ABCA13: variants seen among roughly 807,000 people sequenced by gnomAD.
ABCA13 encodes the protein ATP-binding cassette sub-family A member 13.
Under a neutral mutation model 478.7 loss-of-function variants are expected in ABCA13, and 476 were observed. That is an observed-to-expected ratio of 0.99 (90% CI 0.92 to 1.07). The LOEUF (loss-of-function observed/expected upper bound fraction) is 1.07. Ranked by LOEUF, ABCA13 falls within the 50% of genes least tolerant of loss-of-function variation. The pLI is 0.00. For missense variants in ABCA13, 6,060 were observed against 5,910.6 expected, an observed-to-expected ratio of 1.03 and a Z score of -0.83; for synonymous variants, 2,252 against 2,158.9, an observed-to-expected ratio of 1.04 and a Z score of -1.20.
At chr7:48,430,119 T>C (rs1212719540) in intron 42 of ABCA13, among the ~76,000 whole-genome samples, 1 of 152,192 alleles carries the variant, frequency 6.6e-6, no homozygotes, top group Non-Finnish European at 1.5e-5. Context: ...TATTAGCTCT[T>C]CTTTCAATGT....
At position 48,412,461 on chromosome 7, in the gene ABCA13, A is replaced by T; in HGVS notation, c.12337A>T (p.Thr4113Ser). The T allele has an allele frequency of 6.2e-7, 1 of 1,613,532 alleles. No homozygotes were observed. The highest frequency in any genetic ancestry group is 1.1e-5 in the South Asian group (1 of 91,050). ...CAAAGACAGCAGTGGAAGTGAGCTG[A>T]CCTACACCATTCCAAAGGACACAGA... is the stretch of plus-strand genomic sequence containing the variant. Reference protein sequence around the residue: ...FLKDSSGSELTYTIPKDTDKA... With the variant: ...FLKDSSGSELSYTIPKDTDKA... The change falls in exon 41 of 62, where the codon ACC becomes TCC. Residue 4113 changes from threonine to serine, a missense_variant. Physicochemically the swap from Thr to Ser is moderately conservative, Grantham distance 58 (BLOSUM62 1). Around this residue, in one of 3 missense-constraint regions of ABCA13, gnomAD observed 1,627 missense variants for 1,571.0 expected, o/e 1.04. Coordinates refer to ENST00000435803, the MANE Select transcript of ABCA13 (RefSeq NM_152701.5).
intron 59 of ABCA13, among the ~76,000 whole-genome samples, chr7:48,629,993 T>G (rs2131631649): frequency 6.6e-6 from 1 of 152,222 alleles, no homozygotes; most frequent in East Asian, 1.9e-4. Context: ...TTTTTAAAAT[T>G]ATTATTATCT....
chr7:48,223,976 A>AAAG (rs1554352781), intron 5 of ABCA13, among the ~76,000 whole-genome samples: 15 of 129,938 alleles, frequency 1.2e-4, no homozygotes, highest in African/African-American at 2.3e-4. Context: ...AAAAAAAAAA[A>AAAG]AGAGAGAGAG....
chr7:48,189,662 C>G (rs1308212361), intron 1 of ABCA13, among the ~76,000 whole-genome samples: 1 of 152,098 alleles, frequency 6.6e-6, no homozygotes, highest in African/African-American at 2.4e-5. Flanking sequence ...TAAGACTGGA[C>G]TGAAAAATAT....
chr7:48,339,257 A>C (rs1411476598), intron 29 of ABCA13, among the ~76,000 whole-genome samples: 2 of 152,254 alleles, frequency 1.3e-5, no homozygotes, highest in Non-Finnish European at 2.9e-5. Flanking sequence ...CCCTTTAAAA[A>C]AATTTCTGGT....
At chr7:48,319,001 A>G (rs751973096) in intron 27 of ABCA13, among the ~76,000 whole-genome samples, 7 of 152,168 alleles carry the variant, frequency 4.6e-5, no homozygotes, top group Non-Finnish European at 1.0e-4. Flanking sequence ...CTGAAGAAAT[A>G]AGTTAGATAT....
At chr7:48,639,391 T>G (rs1028995447) in intron 59 of ABCA13, among the ~76,000 whole-genome samples, 1 of 151,460 alleles carries the variant, frequency 6.6e-6, no homozygotes, top group Admixed American at 6.6e-5. Context: ...CCATGAGGAG[T>G]GGGGTGTGGT....
chr7:48,437,571 A>G (rs1316851924), intron 42 of ABCA13, among the ~76,000 whole-genome samples: 1 of 151,892 alleles, frequency 6.6e-6, no homozygotes, highest in Non-Finnish European at 1.5e-5. Context: ...AGATTATTTG[A>G]CAGTTGCTTT....
chr7:48,325,789 C>G (rs899102563), intron 27 of ABCA13, among the ~76,000 whole-genome samples: 3 of 152,194 alleles, frequency 2.0e-5, no homozygotes, highest in African/African-American at 7.2e-5. Context: ...GCCCCTAGAG[C>G]TGGGGCAGAG....
intron 31 of ABCA13, among the ~76,000 whole-genome samples, chr7:48,363,706 T>G (rs1454433833): frequency 6.6e-6 from 1 of 152,108 alleles, no homozygotes; most frequent in African/African-American, 2.4e-5. Context: ...ATTTGGCCTG[T>G]GTTTCTTCCA....
At chr7:48,461,761 C>T (rs547719292) in intron 43 of ABCA13, among the ~76,000 whole-genome samples, 42 of 152,222 alleles carry the variant, frequency 2.8e-4, no homozygotes, top group African/African-American at 8.7e-4. Context: ...TCCCTGATGA[C>T]GACATTCTCA....
intron 45 of ABCA13, among the ~76,000 whole-genome samples, chr7:48,477,787 G>A (rs1028216337): frequency 3.3e-5 from 5 of 151,222 alleles, no homozygotes; most frequent in African/African-American, 1.2e-4. Flanking sequence ...TATACTTAAT[G>A]CTAAATGACG....
At chr7:48,575,475 T>C (rs1486765848) in intron 55 of ABCA13, among the ~76,000 whole-genome samples, 1 of 152,172 alleles carries the variant, frequency 6.6e-6, no homozygotes, top group African/African-American at 2.4e-5. Flanking sequence ...GATCTTAAAT[T>C]CTGTTTTCTC....
At chr7:48,240,345 T>C (rs770976750) in intron 9 of ABCA13, among the ~76,000 whole-genome samples, 30 of 152,288 alleles carry the variant, frequency 2.0e-4, no homozygotes, top group Non-Finnish European at 4.0e-4. Flanking sequence ...TTAGCACACA[T>C]ACATGTACAT....
intron 51 of ABCA13, among the ~76,000 whole-genome samples, chr7:48,513,407 A>G (rs1171442107): frequency 6.6e-6 from 1 of 152,178 alleles, no homozygotes; most frequent in Admixed American, 6.5e-5. Context: ...TATAAAAGGG[A>G]GAGTCAGGGA....
intron 29 of ABCA13, among the ~76,000 whole-genome samples, chr7:48,349,480 T>C (rs1808605771): frequency 6.6e-6 from 1 of 152,204 alleles, no homozygotes; most frequent in Non-Finnish European, 1.5e-5. Flanking sequence ...AACTGATTTT[T>C]CTACAGACCT....
At chr7:48,406,654 C>T (rs1344547996) in intron 39 of ABCA13, among the ~76,000 whole-genome samples, 3 of 152,108 alleles carry the variant, frequency 2.0e-5, no homozygotes, top group Admixed American at 2.0e-4. Flanking sequence ...GGGTGGATCA[C>T]TTGAACTCAG....
intron 58 of ABCA13, among the ~76,000 whole-genome samples, chr7:48,598,464 C>T (rs559394475): frequency 2.0e-5 from 3 of 152,220 alleles, no homozygotes; most frequent in South Asian, 2.1e-4. Flanking sequence ...ATTGCTGGAT[C>T]GGATGGTAAG....
In ABCA13 at chr7:48,272,821, G is replaced by A; in HGVS notation, c.3155G>A (p.Gly1052Asp). Residue 1052 changes from glycine to aspartate, a missense_variant, in exon 17 of 62, where the codon GGC becomes GAC. Gly to Asp is a moderately conservative substitution (Grantham distance 94). This residue lies in a region of ABCA13 where 4,423 missense variants were observed against 4,309.1 expected (regional missense o/e 1.03). Coordinates refer to ENST00000435803, the MANE Select transcript of ABCA13 (RefSeq NM_152701.5). ...LQAQSFMSTE[G>D]QELEVIHTTL... ...GCCCAATCCTTCATGTCTACAGAGGGCCAAGAACTGGAAGTGATCCACACT... is the reference window on the plus strand; with the variant it reads ...GCCCAATCCTTCATGTCTACAGAGGACCAAGAACTGGAAGTGATCCACACT... 5.6e-6 allele frequency: 9 copies of A among 1,606,238 alleles called. No individual in the cohort carries two copies. Among genetic ancestry groups the A allele is most frequent in the Non-Finnish European group, 7.7e-6 (9 of 1,175,410 alleles).
Sources: gnomAD v4.1 joint callset for allele counts (sites outside exome capture counted in the v4.1 genomes callset) on GRCh38, gnomAD v4.1.1 for gene constraint, gnomAD v4.1.1 regional missense constraint, MANE v1.5 for transcripts, NCBI Gene and HGNC (gene_info 2026-07-23, HGNC 2026-07-21) for gene names.